The following POT1 variants were observed in gnomAD, a reference collection of about 807,000 sequenced individuals.
POT1 encodes the protein protection of telomeres 1.
In POT1, 47 loss-of-function variants were observed where a neutral mutation model predicts 78.5. That is an observed-to-expected ratio of 0.60 (90% CI 0.47 to 0.76). The LOEUF (loss-of-function observed/expected upper bound fraction) is 0.76. Ranked by LOEUF, POT1 falls within the 30% of genes least tolerant of loss-of-function variation. POT1 has a pLI of 0.00. For missense variants in POT1, 646 were observed against 749.9 expected (o/e 0.86, Z 1.62); for synonymous variants, 259 against 260.7 (o/e 0.99, Z 0.06).
intron 6 of POT1, among the ~76,000 whole-genome samples, chr7:124,886,866 AGAGCT>A (rs1381286887): frequency 6.6e-6 from 1 of 152,188 alleles, no homozygotes; most frequent in East Asian, 1.9e-4. Context: ...ATGTTTTAAC[AGAGCT>A]ATCATTTTAG....
At chr7:124,915,051 C>G (rs573899925) in intron 3 of POT1, among the ~76,000 whole-genome samples, 61 of 152,072 alleles carry the variant, frequency 4.0e-4, no homozygotes, top group Non-Finnish European at 7.1e-4. Context: ...TTCCTCATTC[C>G]CCTAAAATGT....
chr7:124,887,370 A>C (rs1368335620), intron 6 of POT1, among the ~76,000 whole-genome samples: 1 of 152,092 alleles, frequency 6.6e-6, no homozygotes, highest in East Asian at 1.9e-4. Context: ...TTTAAAACTT[A>C]TCTCCGTATT....
intron 14 of POT1, among the ~76,000 whole-genome samples, chr7:124,837,774 C>T (rs1794931818): frequency 6.6e-6 from 1 of 151,912 alleles, no homozygotes; most frequent in South Asian, 2.1e-4. Flanking sequence ...TATTGATCAA[C>T]TTCTCTTAAG....
intron 3 of POT1, among the ~76,000 whole-genome samples, chr7:124,906,292 T>C (rs1055029328): frequency 2.0e-5 from 3 of 152,128 alleles, no homozygotes; most frequent in African/African-American, 7.2e-5. Context: ...ATATACACCA[T>C]GGAATACTAT....
chr7:124,877,003 C>G (rs1796005007), intron 6 of POT1, among the ~76,000 whole-genome samples: 1 of 152,120 alleles, frequency 6.6e-6, no homozygotes, highest in Admixed American at 6.5e-5. Flanking sequence ...AGAACATTTA[C>G]TAGAAATGAA....
At chr7:124,828,734 G>A (rs1324053163) in intron 16 of POT1, among the ~76,000 whole-genome samples, 3 of 152,068 alleles carry the variant, frequency 2.0e-5, no homozygotes, top group African/African-American at 7.2e-5. Context: ...AGAATGAGAA[G>A]ACCAAGTTCA....
chr7:124,854,095 T>A (rs1188413062), intron 9 of POT1, among the ~76,000 whole-genome samples: 1 of 151,944 alleles, frequency 6.6e-6, no homozygotes, highest in Non-Finnish European at 1.5e-5. Context: ...AAAAAAACTA[T>A]ATAGGTTAAA....
At chr7:124,921,897 C>T (rs1205304519) in intron 2 of POT1, among the ~76,000 whole-genome samples, 1 of 151,784 alleles carries the variant, frequency 6.6e-6, no homozygotes, top group Admixed American at 6.6e-5. Context: ...AAATATTATA[C>T]AATAATTTCC....
In POT1 at chr7:124,897,150, T is replaced by C; in HGVS notation, c.9+15A>G. On this transcript the variant is annotated intron_variant, in intron 5 of 18. Transcript: ENST00000357628. ...ATAGGTGTAATACTCTAAATTAAAC[T>C]GAATATCATCTTACCAAAGACATTG... 7.0e-7 allele frequency: 1 copy of C among 1,433,648 alleles called. No individual in the cohort carries two copies. The highest frequency in any genetic ancestry group is 9.7e-7 in the Non-Finnish European group (1 of 1,032,240). 88.8% of individuals were successfully genotyped at this position (1,433,648 alleles called of 1,614,324 possible).
At chr7:124,824,746 A>G (rs1390101204) in intron 18 of POT1, among the ~76,000 whole-genome samples, 1 of 152,146 alleles carries the variant, frequency 6.6e-6, no homozygotes, top group Non-Finnish European at 1.5e-5. Context: ...GGCAGCAGGT[A>G]TAAGCAGTAC....
Position 124,835,293 on chromosome 7 carries a change from T to C in POT1, c.1491A>G (p.Thr497=). 1.9e-6 allele frequency: 3 copies of C among 1,613,910 alleles called. No individual in the cohort carries two copies. The highest frequency in any genetic ancestry group is 2.5e-6 in the Non-Finnish European group (3 of 1,179,902). The part of the protein sequence containing the change: ...DLSAPFLIQG[T]IHHYGCKQCS... Reference sequence around the variant, plus strand: ...AAACAAAATACCCATAGTGATGTATTGTTCCTTGTATAAGAAATGGTGCTG... The same window carrying C: ...AAACAAAATACCCATAGTGATGTATCGTTCCTTGTATAAGAAATGGTGCTG... Residue 497 remains threonine (T), a synonymous_variant, in exon 15 of 19, where the codon ACA becomes ACG. Coordinates refer to ENST00000357628, the MANE Select transcript of POT1 (RefSeq NM_015450.3).
intron 5 of POT1, 137 bp from the exon 6 acceptor site, chr7:124,892,517 A>G: frequency 2.2e-6 from 1 of 454,024 alleles, no homozygotes; most frequent in Non-Finnish European, 3.8e-6. Flanking sequence ...ACCTGAAATA[A>G]GGCAATGCAC....
At chr7:124,865,857 C>T (rs1304091724) in intron 7 of POT1, among the ~76,000 whole-genome samples, 1 of 151,978 alleles carries the variant, frequency 6.6e-6, no homozygotes, top group Non-Finnish European at 1.5e-5. Flanking sequence ...ATAATCTGTG[C>T]TTTAAAGTTT....
chr7:124,833,000 T>C (rs545816918), intron 15 of POT1, among the ~76,000 whole-genome samples: 49 of 152,028 alleles, frequency 3.2e-4, no homozygotes, highest in African/African-American at 1.1e-3. Context: ...CAAAAGCAAG[T>C]GAGCGAGGAT....
intron 10 of POT1, 111 bp from the exon 11 acceptor site, chr7:124,852,062 A>G (rs1016073533): frequency 1.0e-5 from 7 of 678,258 alleles, no homozygotes; most frequent in Admixed American, 5.7e-5. Flanking sequence ...AAAATTTTGT[A>G]TGTATATGCA....
chr7:124,825,380 A>G (rs762947717), intron 17 of POT1, 23 bp from the exon 18 acceptor site: 9 of 1,408,000 alleles, frequency 6.4e-6, no homozygotes, highest in African/African-American at 5.7e-5. Context: ...TCATGAGAGA[A>G]AAAAAAAGGA....
intron 14 of POT1, among the ~76,000 whole-genome samples, chr7:124,839,695 C>G (rs1026196501): frequency 3.9e-5 from 6 of 152,078 alleles, no homozygotes; most frequent in South Asian, 2.1e-4. Flanking sequence ...TTTAAATAAG[C>G]CTTTTTTAAA....
Position 124,928,371 on chromosome 7 carries a change from T to C in POT1, c.-227+444A>G, listed in dbSNP as rs1797326341. ...AGAGTAATATCCAAATTCCTCAACA[T>C]GCACATAAGGACTGCTTTTTACCTC... On this transcript the variant is annotated intron_variant, in intron 2 of 18. Coordinates refer to ENST00000357628, the MANE Select transcript of POT1 (RefSeq NM_015450.3). 2.6e-5 allele frequency among the ~76,000 whole-genome samples: 4 copies of C among 152,290 alleles called. No individual in the cohort carries two copies. The South Asian group carries it at 8.3e-4, about 32-fold the overall frequency.
intron 6 of POT1, among the ~76,000 whole-genome samples, chr7:124,886,891 T>C (rs556376013): frequency 1.8e-4 from 27 of 152,264 alleles, no homozygotes; most frequent in African/African-American, 6.5e-4. Context: ...GTCTATATTA[T>C]CATATTTTAA....
Sources: allele counts gnomAD v4.1 joint callset (sites outside exome capture counted in the v4.1 genomes callset), GRCh38; gene constraint gnomAD v4.1.1; transcripts MANE v1.5; gene names NCBI Gene and HGNC (gene_info 2026-07-23, HGNC 2026-07-21).